Variants in HIC1 observed in about 807,000 individuals in gnomAD.
The protein encoded by HIC1 is hypermethylated in cancer 1 protein.
A neutral mutation model predicts 26.4 loss-of-function variants in HIC1; 9 were observed. That is an observed-to-expected ratio of 0.34 (90% confidence interval 0.21 to 0.59). The LOEUF (loss-of-function observed/expected upper bound fraction) is 0.59. Ranked by LOEUF, HIC1 falls within the 20% of genes least tolerant of loss-of-function variation. The pLI, the probability that HIC1 is intolerant of heterozygous loss-of-function variation, is 0.82. For synonymous variants in HIC1, 631 were observed against 523.1 expected, an observed-to-expected ratio of 1.21 and a Z score of -2.81; for missense variants, 965 against 1,075.7, an observed-to-expected ratio of 0.90 and a Z score of 1.44.
Position 2,055,680 on chromosome 17 carries a change from A to G in HIC1, c.-21+442A>G, listed in dbSNP as rs1370092027. On this transcript the variant is annotated intron_variant, in intron 1 of 1. Transcript: ENST00000619757. The surrounding 1 kb of genome is among the most constrained non-coding windows in gnomAD (Gnocchi z 6.4). ...GGAGGGGAACGGGGTCGGGCGGGCGAGCAGCGGGCAGGGGAGCTCAGGGCT... is the reference window on the plus strand; with the variant it reads ...GGAGGGGAACGGGGTCGGGCGGGCGGGCAGCGGGCAGGGGAGCTCAGGGCT... Among the ~76,000 whole-genome samples, 1 of 149,972 alleles carries G rather than the reference A, an allele frequency of 6.7e-6. No individual in the cohort carries two copies. Among genetic ancestry groups the G allele is most frequent in the Non-Finnish European group, 1.5e-5 (1 of 67,420 alleles).
intron 1 of HIC1, chr17:2,056,182 C>T: frequency 6.2e-6 from 5 of 803,324 alleles, no homozygotes; most frequent in South Asian, 2.9e-5. Context: ...GCCAGGGCGG[C>T]GCCAGGGCGG....
intron 1 of HIC1, chr17:2,056,246 G>T (rs1567556001): frequency 7.0e-7 from 1 of 1,422,434 alleles, no homozygotes. Flanking sequence ...AACTTCTCCC[G>T]AGGCGGGAGG....
Position 2,059,167 on chromosome 17 carries a change from G to T in HIC1, c.*332G>T. 1 of 278,286 alleles carries T rather than the reference G, an allele frequency of 3.6e-6. No individual in the cohort carries two copies. The highest frequency in any genetic ancestry group is 7.1e-6 in the Non-Finnish European group (1 of 140,714). The allele number at this position is 278,286 out of a possible 1,614,324, so 17.2% of individuals were successfully genotyped here. A position where few individuals can be genotyped will look rare whatever the true frequency, so the allele number is the denominator to read the frequency against. On this transcript the variant is annotated 3_prime_UTR_variant, in exon 2 of 2. Coordinates refer to ENST00000619757, the MANE Select transcript of HIC1 (RefSeq NM_006497.4). ...GCTCCGCGCTGCTCTTAGAGGGGGA[G>T]GGGTGTCACTGTCGGGGCACTCCTA... is the stretch of plus-strand genomic sequence containing the variant.
rs757528982 is a variant in HIC1, at chr17:2,057,926, C to T, written c.1236C>T (p.Ser412=). Residue 412 remains serine (S), a synonymous_variant, in exon 2 of 2, where the codon AGC becomes AGT. Transcript: ENST00000619757. ...ACCTGGCCTATGGCGAGCCCGAGAG[C>T]TTCGGTGACAACCTGTACGTGTGCA... is the stretch of plus-strand genomic sequence containing the variant. The part of the protein sequence containing the change: ...CPHLAYGEPE[S]FGDNLYVCIP... 6.2e-7 allele frequency: 1 copy of T among 1,609,804 alleles called. No individual in the cohort carries two copies. Among genetic ancestry groups the T allele is most frequent in the East Asian group, 2.2e-5 (1 of 44,808 alleles).
In HIC1 at chr17:2,058,846, G is replaced by A. The variant is rs1474559959; in HGVS notation, c.*11G>A. Reference sequence around the variant, plus strand: ...TTCTCTCCCACCTAGAGCGCCCCTCGCCAGCCCGCTCTGTCGCTGCTGCGC... The same window carrying A: ...TTCTCTCCCACCTAGAGCGCCCCTCACCAGCCCGCTCTGTCGCTGCTGCGC... On this transcript the variant is annotated 3_prime_UTR_variant, in exon 2 of 2. Coordinates refer to ENST00000619757, the MANE Select transcript of HIC1 (RefSeq NM_006497.4). The A allele has an allele frequency of 2.1e-6, 3 of 1,429,210 alleles. No homozygotes were observed. The highest frequency in any genetic ancestry group is 9.1e-7 in the Non-Finnish European group (1 of 1,095,956). 88.5% of individuals were successfully genotyped at this position (1,429,210 alleles called of 1,614,324 possible).
chr17:2,056,167 C>T, intron 1 of HIC1: 1 of 677,150 alleles, frequency 1.5e-6, no homozygotes, highest in Non-Finnish European at 2.6e-6. Context: ...GGTTGACAGC[C>T]CCCGGCCAGG....
Position 2,061,856 on chromosome 17 carries a change from C to T in HIC1, c.*3021C>T. ...TGACTCCGGCCTCCCATACAGGACT[C>T]TCTTCTGCCTAGTTCCCAAAAGCTG... On this transcript the variant is annotated 3_prime_UTR_variant, in exon 2 of 2. Coordinates refer to ENST00000619757, the MANE Select transcript of HIC1 (RefSeq NM_006497.4). 4 of 496,880 alleles carry T rather than the reference C, an allele frequency of 8.1e-6. No individual in the cohort carries two copies. The highest frequency in any genetic ancestry group is 3.7e-5 in the East Asian group (1 of 26,892). 30.8% of individuals were successfully genotyped at this position (496,880 alleles called of 1,614,324 possible).
In HIC1 at chr17:2,057,406, C is replaced by T. The variant is rs1049010510; in HGVS notation, c.716C>T (p.Pro239Leu). Residue 239 changes from proline (P) to leucine (L), a missense_variant, in exon 2 of 2, where the codon CCG (proline) becomes CTG (leucine). Around this residue, in one of 6 missense-constraint regions of HIC1, gnomAD observed 526 missense variants for 525.0 expected, o/e 1.00. Coordinates refer to ENST00000619757, the MANE Select transcript of HIC1 (RefSeq NM_006497.4). Reference protein sequence around the residue: ...SPPGSAAPERPLAERELPPRP... With the variant: ...SPPGSAAPERLLAERELPPRP... Reference sequence around the variant, plus strand: ...CCGGGCTCCGCGGCGCCAGAGCGGCCGCTGGCTGAGCGCGAGCTGCCCCCG... The same window carrying T: ...CCGGGCTCCGCGGCGCCAGAGCGGCTGCTGGCTGAGCGCGAGCTGCCCCCG... 1.4e-6 allele frequency: 2 copies of T among 1,434,382 alleles called. No homozygotes were observed. Among genetic ancestry groups the T allele is most frequent in the African/African-American group, 3.0e-5 (2 of 66,658 alleles). The allele number at this position is 1,434,382 out of a possible 1,614,324, so 88.9% of individuals were successfully genotyped here.
Position 2,058,232 on chromosome 17 carries a change from G to A in HIC1, c.1542G>A (p.Arg514=). 6.2e-7 allele frequency: 1 copy of A among 1,611,734 alleles called. No individual in the cohort carries two copies. The highest frequency in any genetic ancestry group is 8.5e-7 in the Non-Finnish European group (1 of 1,179,802). The change falls in exon 2 of 2, where the codon CGG becomes CGA. Residue 514 remains arginine, a synonymous_variant. Coordinates refer to ENST00000619757, the MANE Select transcript of HIC1 (RefSeq NM_006497.4). The part of the protein sequence containing the change: ...RQHEKTHWLT[R]PYPCTICGKK... ...ACGAGAAGACGCACTGGCTGACCCG[G>A]CCCTACCCATGCACCATCTGCGGGA...
At position 2,058,062 on chromosome 17, in the gene HIC1, G is replaced by A. The variant is rs748565761; in HGVS notation, c.1372G>A (p.Ala458Thr). The A allele has an allele frequency of 6.3e-7, 1 of 1,580,890 alleles. No homozygotes were observed. The highest frequency in any genetic ancestry group is 8.6e-7 in the Non-Finnish European group (1 of 1,166,076). The change falls in exon 2 of 2, where the codon GCT (alanine) becomes ACT (threonine). Residue 458 changes from alanine to threonine, a missense_variant. Physicochemically the swap from Ala to Thr is moderately conservative, Grantham distance 58 (BLOSUM62 0). This residue lies in a region of HIC1 where 105 missense variants were observed against 101.4 expected (regional missense o/e 1.04). Coordinates refer to ENST00000619757, the MANE Select transcript of HIC1 (RefSeq NM_006497.4). ...YGRAEAAEVA[A>T]GAAGLGPPFG... Reference sequence around the variant, plus strand: ...CAGGGCCGAGGCGGCCGAAGTGGCCGCTGGGGCCGCCGGCCTAGGGCCCCC... The same window carrying A: ...CAGGGCCGAGGCGGCCGAAGTGGCCACTGGGGCCGCCGGCCTAGGGCCCCC...
chr17:2,061,300 C>T lies in HIC1; in HGVS notation c.*2465C>T, dbSNP rs1208966295. ...AGCCCAGGAGGGTCCCAGCAGCTTC[C>T]GCCCGATCCTTGGGAGGGGCTCTGT... On this transcript the variant is annotated 3_prime_UTR_variant, in exon 2 of 2. Coordinates refer to ENST00000619757, the MANE Select transcript of HIC1 (RefSeq NM_006497.4). The T allele has an allele frequency of 2.0e-5, 12 of 594,940 alleles. No individual in the cohort carries two copies. Among genetic ancestry groups the T allele is most frequent in the Middle Eastern group, 9.6e-4 (2 of 2,090 alleles). The allele number at this position is 594,940 out of a possible 1,614,324, so 36.9% of individuals were successfully genotyped here.
chr17:2,057,314 C>G lies in HIC1; in HGVS notation c.624C>G (p.Ala208=), dbSNP rs1193091916. The change falls in exon 2 of 2, where the codon GCC becomes GCG. Residue 208 remains alanine, a synonymous_variant. Coordinates refer to ENST00000619757, the MANE Select transcript of HIC1 (RefSeq NM_006497.4). ...ELYASGPGPA[A]ALCASERRCS... is the part of the protein sequence containing the mutation. ...ACGCGTCGGGACCCGGCCCGGCCGC[C>G]GCACTCTGTGCCTCGGAGCGCCGCT... 6.7e-7 allele frequency: 1 copy of G among 1,503,204 alleles called. No homozygotes were observed. The highest frequency in any genetic ancestry group is 8.8e-7 in the Non-Finnish European group (1 of 1,134,830). The allele number at this position is 1,503,204 out of a possible 1,614,324, so 93.1% of individuals were successfully genotyped here.
Position 2,061,249 on chromosome 17 carries a change from C to T in HIC1, c.*2414C>T. 2.2e-6 allele frequency: 1 copy of T among 447,366 alleles called. No individual in the cohort carries two copies. Among genetic ancestry groups the T allele is most frequent in the South Asian group, 2.6e-5 (1 of 38,660 alleles). The allele number at this position is 447,366 out of a possible 1,614,324, so 27.7% of individuals were successfully genotyped here. A position where few individuals can be genotyped will look rare whatever the true frequency, so the allele number is the denominator to read the frequency against. On this transcript the variant is annotated 3_prime_UTR_variant, in exon 2 of 2. Coordinates refer to ENST00000619757, the MANE Select transcript of HIC1 (RefSeq NM_006497.4). ...CTTGCCCAGCTGCTGTTGCTGTAGC[C>T]AGCCACCTCCCTGCTAAATCCTGGC...
chr17:2,058,737 G>A lies in HIC1; in HGVS notation c.2047G>A (p.Gly683Ser). The A allele has an allele frequency of 6.5e-7, 1 of 1,531,594 alleles. No individual in the cohort carries two copies. 94.9% of individuals were successfully genotyped at this position (1,531,594 alleles called of 1,614,324 possible). The change falls in exon 2 of 2, where the codon GGC becomes AGC. Residue 683 changes from glycine (G) to serine (S), a missense_variant. Coordinates refer to ENST00000619757, the MANE Select transcript of HIC1 (RefSeq NM_006497.4). ...YPLAKFTAELGLSPDKAAEVL... is the reference protein window; with the variant it reads ...YPLAKFTAELSLSPDKAAEVL... ...GCTGGCCAAGTTCACGGCCGAGCTG[G>A]GCCTCAGCCCCGACAAGGCGGCCGA...
In HIC1 at chr17:2,061,374, T is replaced by C; in HGVS notation, c.*2539T>C. 1 of 972,114 alleles carries C rather than the reference T, an allele frequency of 1.0e-6. No homozygotes were observed. The highest frequency in any genetic ancestry group is 1.5e-6 in the Non-Finnish European group (1 of 665,882). The allele number at this position is 972,114 out of a possible 1,614,324, so 60.2% of individuals were successfully genotyped here. A position where few individuals can be genotyped will look rare whatever the true frequency, so the allele number is the denominator to read the frequency against. On this transcript the variant is annotated 3_prime_UTR_variant, in exon 2 of 2. Coordinates refer to ENST00000619757, the MANE Select transcript of HIC1 (RefSeq NM_006497.4). ...GGCCGTGGCGTGGGTTGGAAGAGGA[T>C]GGTTTATTGTCTGGGTGGATTGGTG...
rs1270409450 is a variant in HIC1, at chr17:2,055,455, T to C, written c.-21+217T>C. 2.6e-5 allele frequency among the ~76,000 whole-genome samples: 4 copies of C among 151,126 alleles called. No homozygotes were observed. Among genetic ancestry groups the C allele is most frequent in the Non-Finnish European group, 5.9e-5 (4 of 67,644 alleles). On this transcript the variant is annotated intron_variant, in intron 1 of 1. Coordinates refer to ENST00000619757, the MANE Select transcript of HIC1 (RefSeq NM_006497.4). This position sits in a 1 kb window ranked among gnomAD's most constrained non-coding sequence, Gnocchi z 6.4. ...GGGGTCAGCGGCCCGGGGCCGGCTCTGCCCGCACATGGGCTGGAGAGGCGA... is the reference window on the plus strand; with the variant it reads ...GGGGTCAGCGGCCCGGGGCCGGCTCCGCCCGCACATGGGCTGGAGAGGCGA...
chr17:2,057,510 C>T lies in HIC1; in HGVS notation c.820C>T (p.Pro274Ser), dbSNP rs750926221. ...PLALPSLPPL[P>S]FQKLEEAAPP... Reference sequence around the variant, plus strand: ...CGCCCTGCCGTCGCTGCCGCCGCTGCCCTTCCAGAAGCTGGAGGAGGCCGC... The same window carrying T: ...CGCCCTGCCGTCGCTGCCGCCGCTGTCCTTCCAGAAGCTGGAGGAGGCCGC... The change falls in exon 2 of 2, where the codon CCC becomes TCC. Residue 274 changes from proline to serine, a missense_variant. Transcript: ENST00000619757. 1 of 1,490,860 alleles carries T rather than the reference C, an allele frequency of 6.7e-7. No homozygotes were observed. The highest frequency in any genetic ancestry group is 1.2e-5 in the South Asian group (1 of 80,156). 92.4% of individuals were successfully genotyped at this position (1,490,860 alleles called of 1,614,324 possible).
In HIC1 at chr17:2,058,038, A is replaced by G; in HGVS notation, c.1348A>G (p.Arg450Gly). The G allele has an allele frequency of 6.3e-7, 1 of 1,590,956 alleles. No individual in the cohort carries two copies. Among genetic ancestry groups the G allele is most frequent in the Non-Finnish European group, 8.5e-7 (1 of 1,169,940 alleles). ...HVEEEEALYGRAEAAEVAAGA... is the reference protein window; with the variant it reads ...HVEEEEALYGGAEAAEVAAGA... Reference sequence around the variant, plus strand: ...GGAGGAGGAGGAAGCGCTGTACGGCAGGGCCGAGGCGGCCGAAGTGGCCGC... The same window carrying G: ...GGAGGAGGAGGAAGCGCTGTACGGCGGGGCCGAGGCGGCCGAAGTGGCCGC... Residue 450 changes from arginine to glycine, a missense_variant, in exon 2 of 2, where the codon AGG (arginine) becomes GGG (glycine). By Grantham distance (125) the Arg-to-Gly change is moderately radical. Around this residue, in one of 6 missense-constraint regions of HIC1, gnomAD observed 105 missense variants for 101.4 expected, o/e 1.04. Coordinates refer to ENST00000619757, the MANE Select transcript of HIC1 (RefSeq NM_006497.4).
rs1425085238 is a variant in HIC1, at chr17:2,059,839, C to T, written c.*1004C>T. On this transcript the variant is annotated 3_prime_UTR_variant, in exon 2 of 2. Transcript: ENST00000619757. ...TCCCAGAAACAGATCAGCAAGAGGT[C>T]AGGTATGTTTCATAACTAAAAATTT... is the stretch of plus-strand genomic sequence containing the variant. 1.2e-5 allele frequency: 2 copies of T among 166,696 alleles called. No individual in the cohort carries two copies. Among genetic ancestry groups the T allele is most frequent in the African/African-American group, 2.4e-5 (1 of 41,456 alleles). 10.3% of individuals were successfully genotyped at this position (166,696 alleles called of 1,614,324 possible).
Sources: gnomAD v4.1 joint callset for allele counts (sites outside exome capture counted in the v4.1 genomes callset) on GRCh38, gnomAD v4.1.1 for gene constraint, gnomAD v4.1.1 regional missense constraint, Gnocchi (gnomAD v3.1) non-coding constraint, MANE v1.5 for transcripts, NCBI Gene and HGNC (gene_info 2026-07-23, HGNC 2026-07-21) for gene names.